AVL9: variants seen among roughly 807,000 people sequenced by gnomAD.
AVL9 encodes late secretory pathway protein AVL9 homolog.
A neutral mutation model predicts 79.2 loss-of-function variants in AVL9; 49 were observed. That is an observed-to-expected ratio of 0.62 (90% CI 0.49 to 0.79). AVL9 has a LOEUF of 0.79. Ranked by LOEUF, AVL9 falls within the 30% of genes least tolerant of loss-of-function variation. The pLI, the probability that AVL9 is intolerant of heterozygous loss-of-function variation, is 0.00. For synonymous variants in AVL9, 299 were observed against 280.6 expected (o/e 1.07, Z -0.65); for missense variants, 682 against 776.8 (o/e 0.88, Z 1.45).
rs1182341088 is a variant in AVL9 at position 32,579,437 on chromosome 7, T to A, written c.1689-782T>A. On this transcript the variant is annotated intron_variant, in intron 13 of 15. Transcript: ENST00000318709. ...ATATGTTATATATATAATATATATA[T>A]TATATATAATATATTATATATTATA... Among the ~76,000 whole-genome samples, 6 of 9,696 alleles carry A rather than the reference T, an allele frequency of 6.2e-4. 2 individuals carry two copies. The highest frequency in any genetic ancestry group is 3.1e-3 in the African/African-American group (6 of 1,954). 6.4% of individuals were successfully genotyped at this position (9,696 alleles called of 152,430 possible). A position where few individuals can be genotyped will look rare whatever the true frequency, so the allele number is the denominator to read the frequency against.
At chr7:32,563,434 T>C (rs550553529) in intron 10 of AVL9, among the ~76,000 whole-genome samples, 58 of 151,706 alleles carry the variant, frequency 3.8e-4, no homozygotes, top group African/African-American at 1.4e-3. Context: ...AGTATTATTA[T>C]TTTTCTCAAT....
At chr7:32,502,406 A>AAAAAAAAAAAAAAAAAAAAAAAG (rs201243248) in intron 1 of AVL9, among the ~76,000 whole-genome samples, 1 of 140,114 alleles carries the variant, frequency 7.1e-6, no homozygotes, top group Non-Finnish European at 1.5e-5. Context: ...AAAAAAAAAA[A>AAAAAAAAAAAAAAAAAAAAAAAG]AAAGAAAGAA....
Position 32,586,472 on chromosome 7 carries a change from C to CCGA in AVL9, c.*2566_*2567insGAC, listed in dbSNP as rs34422070. 3 of 142,958 alleles carry CCGA rather than the reference C, an allele frequency of 2.1e-5. No homozygotes were observed. The highest frequency in any genetic ancestry group is 4.7e-5 in the Non-Finnish European group (3 of 64,306). 8.9% of individuals were successfully genotyped at this position (142,958 alleles called of 1,614,324 possible). A position where few individuals can be genotyped will look rare whatever the true frequency, so the allele number is the denominator to read the frequency against. ...CCCCTGGTCCTGTGACCCCCCCCCC[C>CCGA]CACACACACACATACTTCAGGCTTG... On this transcript the variant is annotated 3_prime_UTR_variant, in exon 16 of 16. Transcript: ENST00000318709.
chr7:32,499,358 GTT>G (rs10713441), intron 1 of AVL9, among the ~76,000 whole-genome samples: 14 of 147,950 alleles, frequency 9.5e-5, no homozygotes, highest in African/African-American at 2.0e-4. Context: ...CATTAACTCT[GTT>G]TTTTTTTTTC....
Position 32,544,697 on chromosome 7 carries a change from C to T in AVL9, c.218C>T (p.Thr73Ile), listed in dbSNP as rs996557151. ...PDGAHNYQED[T>I]VFFHLPPRNG... ...CATTTTTCTATGTATCTCTTAGATA[C>T]TGTGTTTTTTCACTTGCCACCCAGA... is the stretch of plus-strand genomic sequence containing the variant. Residue 73 changes from threonine (T) to isoleucine (I), a missense_variant, in exon 3 of 16, where the codon ACT becomes ATT. Coordinates refer to ENST00000318709, the MANE Select transcript of AVL9 (RefSeq NM_015060.3). 2.5e-6 allele frequency: 4 copies of T among 1,610,916 alleles called. No individual in the cohort carries two copies. Among genetic ancestry groups the T allele is most frequent in the African/African-American group, 2.7e-5 (2 of 74,828 alleles).
intron 1 of AVL9, among the ~76,000 whole-genome samples, chr7:32,500,792 A>G (rs1462437657): frequency 6.6e-6 from 1 of 152,082 alleles, no homozygotes; most frequent in East Asian, 1.9e-4. Context: ...TATAAGGTGT[A>G]AGGAAGGGGT....
At chr7:32,529,541 A>G (rs1278563922) in intron 1 of AVL9, among the ~76,000 whole-genome samples, 2 of 152,250 alleles carry the variant, frequency 1.3e-5, no homozygotes, top group African/African-American at 4.8e-5. Flanking sequence ...AAGATTTATT[A>G]GCCTTCTTTA....
intron 12 of AVL9, among the ~76,000 whole-genome samples, 155 bp from the exon 13 acceptor site, chr7:32,575,800 C>CTAG (rs1209580631): frequency 6.6e-6 from 1 of 152,192 alleles, no homozygotes; most frequent in African/African-American, 2.4e-5. Flanking sequence ...ATTTCTGGAA[C>CTAG]TAGACCCAAG....
At chr7:32,554,518 G>A (rs375733050) in intron 7 of AVL9, 40 bp from the exon 8 acceptor site, 216 of 1,294,962 alleles carry the variant, frequency 1.7e-4, no homozygotes, top group Non-Finnish European at 2.1e-4. Context: ...ATAGGCGTGA[G>A]TCTCTCATTT....
chr7:32,566,642 A>G (rs10223965), intron 10 of AVL9, among the ~76,000 whole-genome samples: 151,973 of 151,974 alleles, frequency 1, 75,986 homozygotes, highest in Non-Finnish European at 1. Context: ...ACTTTGGGAG[A>G]CCGAGGCGGG....
intron 8 of AVL9, among the ~76,000 whole-genome samples, chr7:32,556,993 G>A (rs1337520610): frequency 6.6e-6 from 1 of 151,962 alleles, no homozygotes; most frequent in Non-Finnish European, 1.5e-5. Flanking sequence ...ATAATACCTT[G>A]AAAGTAATTT....
intron 1 of AVL9, among the ~76,000 whole-genome samples, chr7:32,500,311 G>C (rs1787063228): frequency 6.6e-6 from 1 of 152,052 alleles, no homozygotes; most frequent in Non-Finnish European, 1.5e-5. Context: ...GTATCTCATG[G>C]TTTTGATTTG....
chr7:32,553,039 A>G (rs1789904429), intron 6 of AVL9, among the ~76,000 whole-genome samples: 1 of 152,232 alleles, frequency 6.6e-6, no homozygotes, highest in East Asian at 1.9e-4. Flanking sequence ...TTTTAATCAC[A>G]TAGTGGTTTA....
Position 32,565,335 on chromosome 7 carries a change from G to A in AVL9, c.1216-4685G>A, listed in dbSNP as rs193289726. On this transcript the variant is annotated intron_variant, in intron 10 of 15. Coordinates refer to ENST00000318709, the MANE Select transcript of AVL9 (RefSeq NM_015060.3). Reference sequence around the variant, plus strand: ...AGCACTTTGAGAGGCCAAGGCAGGCGGATCACCTAAGATCAGGAGTTTGAG... The same window carrying A: ...AGCACTTTGAGAGGCCAAGGCAGGCAGATCACCTAAGATCAGGAGTTTGAG... Among the ~76,000 whole-genome samples, 289 of 151,976 alleles carry A rather than the reference G, an allele frequency of 1.9e-3. 1 individual carries two copies. The highest frequency in any genetic ancestry group is 6.7e-3 in the African/African-American group (279 of 41,452).
intron 1 of AVL9, among the ~76,000 whole-genome samples, chr7:32,510,266 T>G (rs1787603201): frequency 6.7e-6 from 1 of 148,568 alleles, no homozygotes; most frequent in South Asian, 2.1e-4. Context: ...ACTGCCCCAG[T>G]AGGAGGAAAG....
chr7:32,524,634 T>C (rs1788323788), intron 1 of AVL9, among the ~76,000 whole-genome samples: 2 of 152,180 alleles, frequency 1.3e-5, no homozygotes, highest in African/African-American at 4.8e-5. Flanking sequence ...TGAAGGCATG[T>C]AAATCTGCTC....
chr7:32,533,583 A>G (rs1788763864), intron 1 of AVL9: 1 of 152,252 alleles, frequency 6.6e-6, no homozygotes, highest in African/African-American at 2.4e-5. Context: ...ATAACTGAGA[A>G]GAAAACATGT....
rs1789813456 is a variant in AVL9, at chr7:32,551,442, A to G, written c.462+19A>G. The G allele has an allele frequency of 7.1e-7, 1 of 1,401,738 alleles. No homozygotes were observed. The highest frequency in any genetic ancestry group is 1.0e-6 in the Non-Finnish European group (1 of 991,146). 86.8% of individuals were successfully genotyped at this position (1,401,738 alleles called of 1,614,324 possible). A position where few individuals can be genotyped will look rare whatever the true frequency, so the allele number is the denominator to read the frequency against. ...TCTAAAGGTAACTTTATACCCCTCT[A>G]TAGATGTGTTTGGCTGAAGATAGAC... is the stretch of plus-strand genomic sequence containing the variant. On this transcript the variant is annotated intron_variant, in intron 5 of 15. Coordinates refer to ENST00000318709, the MANE Select transcript of AVL9 (RefSeq NM_015060.3).
intron 1 of AVL9, among the ~76,000 whole-genome samples, chr7:32,511,222 AGCCAT>A (rs1787656547): frequency 3.5e-5 from 5 of 141,412 alleles, no homozygotes; most frequent in Non-Finnish European, 7.8e-5. Context: ...GAGATTCATG[AGCCAT>A]CAAGTCTCTT....
Sources: gnomAD v4.1 joint callset for allele counts (sites outside exome capture counted in the v4.1 genomes callset) on GRCh38, gnomAD v4.1.1 for gene constraint, MANE v1.5 for transcripts, NCBI Gene and HGNC (gene_info 2026-07-23, HGNC 2026-07-21) for gene names.